The following NAA15 variants were observed in gnomAD, a reference collection of about 807,000 sequenced individuals.
NAA15 encodes N-terminal acetyltransferase.
In NAA15, 34 loss-of-function variants were observed where a neutral mutation model predicts 114.0. That is an observed-to-expected ratio of 0.30 (90% CI 0.23 to 0.40). NAA15 has a LOEUF of 0.40. NAA15 is among the 10% of genes least tolerant of loss of function. The pLI is 1.00. For synonymous variants in NAA15, 340 were observed against 338.0 expected (o/e 1.01, Z -0.06); for missense variants, 658 against 1,004.5 (o/e 0.66, Z 4.66).
Position 139,388,352 on chromosome 4 carries a change from C to T in NAA15, c.*268C>T, listed in dbSNP as rs964296117. On this transcript the variant is annotated 3_prime_UTR_variant, in exon 20 of 20. Coordinates refer to ENST00000296543, the MANE Select transcript of NAA15 (RefSeq NM_057175.5). ...ACCTTATCCTATTCCTCCCCACCCA[C>T]CCATGTTTTTAAACTAATTTATATA... 6.9e-5 allele frequency: 17 copies of T among 248,060 alleles called. No individual in the cohort carries two copies. Among genetic ancestry groups the T allele is most frequent in the African/African-American group, 3.8e-4 (17 of 44,214 alleles). 15.4% of individuals were successfully genotyped at this position (248,060 alleles called of 1,614,324 possible). A position where few individuals can be genotyped will look rare whatever the true frequency, so the allele number is the denominator to read the frequency against.
At chr4:139,373,044 G>A (rs905047060) in intron 15 of NAA15, among the ~76,000 whole-genome samples, 7 of 151,926 alleles carry the variant, frequency 4.6e-5, no homozygotes, top group Admixed American at 1.3e-4. Flanking sequence ...CCACCACCAC[G>A]CCTGGCTAAT....
chr4:139,347,542 G>T (rs1423376561), intron 6 of NAA15, among the ~76,000 whole-genome samples: 1 of 152,160 alleles, frequency 6.6e-6, no homozygotes, highest in Non-Finnish European at 1.5e-5. Context: ...GGAGGCTGCC[G>T]TAGGTGGAAG....
chr4:139,373,636 C>T (rs1395673908), intron 15 of NAA15, among the ~76,000 whole-genome samples: 3 of 151,894 alleles, frequency 2.0e-5, no homozygotes, highest in African/African-American at 7.3e-5. Flanking sequence ...TTATGAATTC[C>T]CTTTTGTACC....
chr4:139,336,002 G>C (rs1383095434), intron 2 of NAA15, among the ~76,000 whole-genome samples: 1 of 152,010 alleles, frequency 6.6e-6, no homozygotes, highest in Non-Finnish European at 1.5e-5. Context: ...CAAGTGATCT[G>C]CCCACCTTGG....
chr4:139,357,187 C>G (rs1179367362), intron 10 of NAA15, among the ~76,000 whole-genome samples, 199 bp from the exon 11 acceptor site: 1 of 152,228 alleles, frequency 6.6e-6, no homozygotes, highest in East Asian at 1.9e-4. Context: ...AGGGATTGTG[C>G]TAGGGGTTAT....
intron 1 of NAA15, among the ~76,000 whole-genome samples, chr4:139,325,717 C>T (rs1226221594): frequency 2.0e-5 from 3 of 152,174 alleles, no homozygotes; most frequent in Non-Finnish European, 4.4e-5. Context: ...GTTACCATCA[C>T]GGCTCACTGC....
intron 5 of NAA15, among the ~76,000 whole-genome samples, chr4:139,343,270 T>C (rs970582607): frequency 9.8e-5 from 15 of 152,340 alleles, no homozygotes; most frequent in African/African-American, 3.6e-4. Flanking sequence ...AAAATAACTG[T>C]ATAGTTTTCA....
At chr4:139,376,932 A>G (rs991110035) in intron 16 of NAA15, among the ~76,000 whole-genome samples, 30 of 152,230 alleles carry the variant, frequency 2.0e-4, no homozygotes, top group African/African-American at 7.0e-4. Flanking sequence ...ATCTGTTAAG[A>G]AAACATAGGA....
chr4:139,335,251 T>A (rs10013089), intron 2 of NAA15, among the ~76,000 whole-genome samples: 81,882 of 152,112 alleles, frequency 0.54, 24,329 homozygotes, highest in African/African-American at 0.81. Context: ...CCAGCTGAGC[T>A]TTATGTTGTT....
rs186546313 is a variant in NAA15, at chr4:139,310,949, C to G, written c.54+9118C>G. Among the ~76,000 whole-genome samples the G allele has an allele frequency of 1.4e-4, 21 of 151,898 alleles. No homozygotes were observed. In the East Asian group the frequency reaches 2.5e-3, roughly 18 times the overall value. On this transcript the variant is annotated intron_variant, in intron 1 of 19. Transcript: ENST00000296543. Reference sequence around the variant, plus strand: ...TAAAAAATTTTGAGACAGAGTCTTACTCTGTTGCCCAGGCTGGAGGGCTGG... The same window carrying G: ...TAAAAAATTTTGAGACAGAGTCTTAGTCTGTTGCCCAGGCTGGAGGGCTGG...
intron 1 of NAA15, among the ~76,000 whole-genome samples, chr4:139,310,179 G>A (rs1205149919): frequency 6.6e-6 from 1 of 152,134 alleles, no homozygotes; most frequent in Non-Finnish European, 1.5e-5. Context: ...TTTGGGCCGG[G>A]CGCGGTGGCT....
chr4:139,341,180 AT>A (rs914681414), intron 4 of NAA15, 111 bp downstream of exon 4: 147 of 786,636 alleles, frequency 1.9e-4, no homozygotes, highest in South Asian at 3.4e-4. Flanking sequence ...ATTTAATTGA[AT>A]TTTTTTTTCC....
At chr4:139,341,593 C>CA (rs751688160) in intron 4 of NAA15, among the ~76,000 whole-genome samples, 1,899 of 14,366 alleles carry the variant, frequency 0.13, 604 homozygotes, top group African/African-American at 0.26. Context: ...AACTCTGTCT[C>CA]AAAAAAAAAA....
chr4:139,333,362 C>T (rs538726885), intron 1 of NAA15, among the ~76,000 whole-genome samples: 14 of 152,232 alleles, frequency 9.2e-5, no homozygotes, highest in Middle Eastern at 3.4e-3. Flanking sequence ...AATAAGAGTG[C>T]ATTGCTATTC....
chr4:139,355,859 T>C (rs777391791), intron 10 of NAA15, among the ~76,000 whole-genome samples: 3 of 152,220 alleles, frequency 2.0e-5, no homozygotes, highest in Non-Finnish European at 4.4e-5. Context: ...TGTTAGCAAC[T>C]GTTAAGAATT....
intron 4 of NAA15, among the ~76,000 whole-genome samples, chr4:139,342,226 C>T (rs973864965): frequency 1.4e-4 from 21 of 151,834 alleles, no homozygotes; most frequent in Admixed American, 8.5e-4. Context: ...TCTTTCCATC[C>T]TGCCTCTTTT....
At chr4:139,328,207 T>C (rs75605284) in intron 1 of NAA15, among the ~76,000 whole-genome samples, 1 of 152,226 alleles carries the variant, frequency 6.6e-6, no homozygotes, top group African/African-American at 2.4e-5. Flanking sequence ...AATTAAAATT[T>C]TATTTTATTA....
chr4:139,320,978 G>A (rs1746578830), intron 1 of NAA15, among the ~76,000 whole-genome samples: 1 of 152,174 alleles, frequency 6.6e-6, no homozygotes, highest in Non-Finnish European at 1.5e-5. Flanking sequence ...TGGCTAGAAA[G>A]CTGGGCCTTT....
In NAA15 at chr4:139,308,251, G is replaced by A. The variant is rs200762933; in HGVS notation, c.54+6420G>A. On this transcript the variant is annotated intron_variant, in intron 1 of 19. Coordinates refer to ENST00000296543, the MANE Select transcript of NAA15 (RefSeq NM_057175.5). ...GCTAGGATTACAGGCATGAACCACC[G>A]CGCCCGGCCCATTGTATAATAGGTA... 9.2e-5 allele frequency among the ~76,000 whole-genome samples: 14 copies of A among 152,170 alleles called. No homozygotes were observed. The East Asian group carries it at 1.2e-3, about 13-fold the overall frequency.
Sources: allele counts gnomAD v4.1 joint callset (sites outside exome capture counted in the v4.1 genomes callset), GRCh38; gene constraint gnomAD v4.1.1; transcripts MANE v1.5; gene names NCBI Gene and HGNC (gene_info 2026-07-23, HGNC 2026-07-21).